Variants in NUBPL observed in about 807,000 individuals in gnomAD.
NUBPL encodes iron-sulfur cluster transfer protein NUBPL.
A neutral mutation model predicts 45.7 loss-of-function variants in NUBPL; 31 were observed. That is an observed-to-expected ratio of 0.68 (90% CI 0.51 to 0.92). The LOEUF is 0.92. NUBPL is among the 40% of genes least tolerant of loss of function. The pLI, the probability that NUBPL is intolerant of heterozygous loss-of-function variation, is 0.00. For synonymous variants in NUBPL, 144 were observed against 140.9 expected (o/e 1.02, Z -0.15); for missense variants, 401 against 398.7 (o/e 1.01, Z -0.05).
At chr14:31,642,635 G>T (rs1566470572) in intron 4 of NUBPL, among the ~76,000 whole-genome samples, 1 of 152,128 alleles carries the variant, frequency 6.6e-6, no homozygotes, top group Non-Finnish European at 1.5e-5. Flanking sequence ...ATCCATCTTT[G>T]TTCTTTGTGC....
At chr14:31,844,560 A>G (rs2040424016) in intron 8 of NUBPL, 1 of 152,166 alleles carries the variant, frequency 6.6e-6, no homozygotes, top group African/African-American at 2.4e-5. Flanking sequence ...TTTGCTATAG[A>G]TTTATGTCTT....
chr14:31,757,623 A>C (rs1325487941), intron 6 of NUBPL, among the ~76,000 whole-genome samples: 1 of 152,122 alleles, frequency 6.6e-6, no homozygotes, highest in Admixed American at 6.6e-5. Flanking sequence ...CTGAAGGGTA[A>C]ATGTGGAATG....
chr14:31,649,900 C>T (rs1251554853), intron 4 of NUBPL, among the ~76,000 whole-genome samples: 3 of 152,100 alleles, frequency 2.0e-5, no homozygotes. Context: ...ACTCTTGTTG[C>T]CCAGGCTGGA....
chr14:31,678,658 A>G (rs978879861), intron 6 of NUBPL, among the ~76,000 whole-genome samples: 2 of 152,222 alleles, frequency 1.3e-5, no homozygotes, highest in Admixed American at 6.5e-5. Flanking sequence ...GCTGGTATCC[A>G]AGATGCAAGA....
chr14:31,820,399 G>A (rs35722809), intron 7 of NUBPL, among the ~76,000 whole-genome samples: 53,502 of 151,888 alleles, frequency 0.35, 10,149 homozygotes, highest in South Asian at 0.44. Context: ...TCATGTTTCT[G>A]GGAAAAATTT....
intron 4 of NUBPL, among the ~76,000 whole-genome samples, chr14:31,636,588 G>T (rs985150740): frequency 6.6e-6 from 1 of 152,104 alleles, no homozygotes; most frequent in Non-Finnish European, 1.5e-5. Flanking sequence ...TTGGTATCAG[G>T]ATGATGCTGG....
At chr14:31,596,266 A>G (rs1048873051) in intron 3 of NUBPL, among the ~76,000 whole-genome samples, 2 of 152,152 alleles carry the variant, frequency 1.3e-5, no homozygotes, top group African/African-American at 2.4e-5. Context: ...AGTTCCAGTA[A>G]AATAGTCTGA....
intron 6 of NUBPL, among the ~76,000 whole-genome samples, chr14:31,724,757 A>G (rs1245718850): frequency 6.6e-6 from 1 of 152,214 alleles, no homozygotes; most frequent in East Asian, 1.9e-4. Context: ...TGGATCGTAC[A>G]TTTTGGTGGT....
At chr14:31,612,393 A>C (rs1452095394) in intron 4 of NUBPL, among the ~76,000 whole-genome samples, 1 of 152,194 alleles carries the variant, frequency 6.6e-6, no homozygotes, top group Non-Finnish European at 1.5e-5. Flanking sequence ...GGCTGGGCGC[A>C]GTGGCTCACG....
At chr14:31,705,332 C>T (rs1016129091) in intron 6 of NUBPL, among the ~76,000 whole-genome samples, 1 of 152,218 alleles carries the variant, frequency 6.6e-6, no homozygotes, top group African/African-American at 2.4e-5. Flanking sequence ...AAAGCTTCCA[C>T]AGCGTGGAAG....
intron 10 of NUBPL, among the ~76,000 whole-genome samples, chr14:31,857,435 C>T (rs765511393): frequency 6.6e-6 from 1 of 152,190 alleles, no homozygotes; most frequent in Non-Finnish European, 1.5e-5. Context: ...GATTAACATT[C>T]GGCTCCTAGT....
At chr14:31,693,927 C>A (rs1428543258) in intron 6 of NUBPL, among the ~76,000 whole-genome samples, 1 of 137,000 alleles carries the variant, frequency 7.3e-6, no homozygotes, top group Non-Finnish European at 1.5e-5. Context: ...GTGATCTGGG[C>A]TCACTGTAAG....
chr14:31,709,537 T>C (rs2037524718), intron 6 of NUBPL, among the ~76,000 whole-genome samples: 1 of 143,704 alleles, frequency 7.0e-6, no homozygotes, highest in African/African-American at 2.4e-5. Context: ...CTCCAAACTC[T>C]TGGGCTGCAG....
intron 10 of NUBPL, among the ~76,000 whole-genome samples, chr14:31,855,340 G>A (rs771955814): frequency 4.6e-4 from 70 of 152,292 alleles, no homozygotes; most frequent in Admixed American, 1.9e-3. Flanking sequence ...CAGCAGAGAA[G>A]AACCCATTTT....
intron 8 of NUBPL, chr14:31,843,982 T>C (rs2040415473): frequency 6.6e-6 from 1 of 152,248 alleles, no homozygotes; most frequent in African/African-American, 2.4e-5. Flanking sequence ...CTATTCCTTG[T>C]GTTTAGCCCA....
chr14:31,834,285 A>G (rs1313592785), intron 8 of NUBPL, among the ~76,000 whole-genome samples: 3 of 149,858 alleles, frequency 2.0e-5, no homozygotes, highest in Non-Finnish European at 4.4e-5. Context: ...GGTTCAAGCA[A>G]TTCTCCTGCC....
chr14:31,833,233 G>A (rs903760013), intron 8 of NUBPL, among the ~76,000 whole-genome samples: 17 of 152,016 alleles, frequency 1.1e-4, no homozygotes, highest in Non-Finnish European at 1.8e-4. Flanking sequence ...GCCAAGTATG[G>A]TGGCATGCAA....
intron 4 of NUBPL, among the ~76,000 whole-genome samples, chr14:31,639,299 C>G (rs1195279389): frequency 6.6e-6 from 1 of 152,178 alleles, no homozygotes; most frequent in Non-Finnish European, 1.5e-5. Flanking sequence ...TTCCTTCTAA[C>G]AGACAGGACC....
chr14:31,808,795 A>G (rs552635116), intron 7 of NUBPL, among the ~76,000 whole-genome samples: 2 of 152,340 alleles, frequency 1.3e-5, no homozygotes, highest in African/African-American at 2.4e-5. Flanking sequence ...TTTTCCATCA[A>G]TACCAAATTT....
Sources: gnomAD v4.1 joint callset for allele counts (sites outside exome capture counted in the v4.1 genomes callset) on GRCh38, gnomAD v4.1.1 for gene constraint, MANE v1.5 for transcripts, NCBI Gene and HGNC (gene_info 2026-07-23, HGNC 2026-07-21) for gene names.